STK32B: variants seen among roughly 807,000 people sequenced by gnomAD.
STK32B encodes the protein serine/threonine kinase 32B, also known as serine/threonine-protein kinase 32B.
A neutral mutation model predicts 52.6 loss-of-function variants in STK32B; 43 were observed. The ratio of observed to expected loss-of-function variants is 0.82; its 90% CI spans 0.64 to 1.05. The LOEUF (loss-of-function observed/expected upper bound fraction) is 1.05. Among genes scored for constraint, STK32B ranks in the 50% least tolerant of loss-of-function variants. STK32B has a pLI of 0.00. For synonymous variants in STK32B, 238 were observed against 204.3 expected, an observed-to-expected ratio of 1.17 and a Z score of -1.41; for missense variants, 621 against 534.6, an observed-to-expected ratio of 1.16 and a Z score of -1.59.
At chr4:5,082,011 C>G (rs1490563664) in intron 1 of STK32B, among the ~76,000 whole-genome samples, 2 of 152,174 alleles carry the variant, frequency 1.3e-5, no homozygotes, top group Non-Finnish European at 2.9e-5. Context: ...GCAGTCCCCC[C>G]CAGTTTTTAA....
chr4:5,186,389 A>T (rs917480838), intron 3 of STK32B, among the ~76,000 whole-genome samples: 1 of 152,122 alleles, frequency 6.6e-6, no homozygotes. Flanking sequence ...TAATTTATGT[A>T]GTGCTGTTAA....
chr4:5,247,411 G>A (rs1024914102), intron 3 of STK32B, among the ~76,000 whole-genome samples: 1 of 152,232 alleles, frequency 6.6e-6, no homozygotes, highest in African/African-American at 2.4e-5. Context: ...CGTTTGTTAA[G>A]CCTGTTGGAA....
chr4:5,073,956 T>A (rs1198382504), intron 1 of STK32B, among the ~76,000 whole-genome samples: 2 of 152,054 alleles, frequency 1.3e-5, no homozygotes, highest in Non-Finnish European at 2.9e-5. Flanking sequence ...CCTTTTATTC[T>A]TCTTAGGGTT....
At chr4:5,350,124 T>C (rs1003437631) in intron 4 of STK32B, among the ~76,000 whole-genome samples, 3 of 152,064 alleles carry the variant, frequency 2.0e-5, no homozygotes, top group Non-Finnish European at 4.4e-5. Flanking sequence ...AGTTCAAAGG[T>C]CCTGGCATAG....
Position 5,051,809 on chromosome 4 carries a change from C to A in STK32B, c.-55C>A. On this transcript the variant is annotated 5_prime_UTR_variant, in exon 1 of 12. Coordinates refer to ENST00000282908, the MANE Select transcript of STK32B (RefSeq NM_018401.3). ...CCGCATCTCTGCGCGCGTCCCACAT[C>A]CCGCATCCGGCATCCCAGCGGCCGG... The A allele has an allele frequency of 6.4e-7, 1 of 1,560,318 alleles. No homozygotes were observed. Among genetic ancestry groups the A allele is most frequent in the South Asian group, 1.2e-5 (1 of 84,280 alleles).
chr4:5,358,913 G>A (rs1734360474), intron 4 of STK32B, among the ~76,000 whole-genome samples: 1 of 152,144 alleles, frequency 6.6e-6, no homozygotes, highest in African/African-American at 2.4e-5. Context: ...TGTTTTGCCT[G>A]GGCTCATACA....
the STK32B span, among the ~76,000 whole-genome samples, chr4:5,044,125 C>G: frequency 0.019 from 2,834 of 152,230 alleles, 87 homozygotes; most frequent in African/African-American, 0.064. Context: ...GCAGTTGATC[C>G]AGCTCTCTCT....
At chr4:5,031,756 C>G in the STK32B span, among the ~76,000 whole-genome samples, 1 of 152,134 alleles carries the variant, frequency 6.6e-6, no homozygotes, top group Non-Finnish European at 1.5e-5. Context: ...GGTCGGGGTC[C>G]CACTTAGCAG....
At chr4:5,083,210 C>T (rs1712533408) in intron 1 of STK32B, among the ~76,000 whole-genome samples, 1 of 151,886 alleles carries the variant, frequency 6.6e-6, no homozygotes, top group East Asian at 1.9e-4. Context: ...TTTGGATAGA[C>T]CTTGGGATGA....
chr4:5,493,563 T>C (rs942807372), intron 11 of STK32B, among the ~76,000 whole-genome samples: 5 of 152,228 alleles, frequency 3.3e-5, no homozygotes, highest in African/African-American at 1.2e-4. Flanking sequence ...AGGGTTTTTT[T>C]GTGTCTCTAT....
chr4:5,099,454 G>GCGCGCGTGCGCGCGCACA (rs68114862), intron 1 of STK32B, among the ~76,000 whole-genome samples: 31,956 of 129,664 alleles, frequency 0.25, 3,887 homozygotes, highest in Non-Finnish European at 0.34. Flanking sequence ...GTGTGTGCGC[G>GCGCGCGTGCGCGCGCACA]CGCGCGTATG....
intron 3 of STK32B, among the ~76,000 whole-genome samples, chr4:5,176,698 C>T (rs1029582570): frequency 2.6e-5 from 4 of 152,110 alleles, no homozygotes; most frequent in African/African-American, 7.2e-5. Context: ...CCCACCTCAG[C>T]CTCCCAAAGT....
intron 1 of STK32B, among the ~76,000 whole-genome samples, chr4:5,113,826 G>A (rs950655039): frequency 6.6e-6 from 1 of 152,128 alleles, no homozygotes; most frequent in Non-Finnish European, 1.5e-5. Context: ...CCACATGGCC[G>A]GGGAGGCCTC....
At chr4:5,162,508 A>T (rs1718526227) in intron 2 of STK32B, among the ~76,000 whole-genome samples, 1 of 152,112 alleles carries the variant, frequency 6.6e-6, no homozygotes, top group Non-Finnish European at 1.5e-5. Flanking sequence ...CAAATTTCTG[A>T]TGCTCAGTGT....
At chr4:5,137,336 C>T (rs1560170499) in intron 1 of STK32B, among the ~76,000 whole-genome samples, 1 of 152,274 alleles carries the variant, frequency 6.6e-6, no homozygotes, top group Admixed American at 6.5e-5. Flanking sequence ...GAAGAGAGGC[C>T]ACTCCCTAAA....
intron 2 of STK32B, among the ~76,000 whole-genome samples, chr4:5,162,878 A>G (rs1335258955): frequency 6.6e-6 from 1 of 152,186 alleles, no homozygotes; most frequent in Non-Finnish European, 1.5e-5. Flanking sequence ...TTCCTTCTAG[A>G]ACACCTGTTG....
At chr4:5,052,715 G>T (rs933140817) in intron 1 of STK32B, among the ~76,000 whole-genome samples, 1 of 152,144 alleles carries the variant, frequency 6.6e-6, no homozygotes, top group African/African-American at 2.4e-5. Flanking sequence ...AGTAATCCAC[G>T]TGAAAAGTGC....
At chr4:5,338,188 A>G (rs1469360588) in intron 4 of STK32B, among the ~76,000 whole-genome samples, 2 of 152,334 alleles carry the variant, frequency 1.3e-5, no homozygotes, top group South Asian at 2.1e-4. Context: ...TTGCAAAACT[A>G]TTGGCTCTTT....
At chr4:5,125,149 T>C (rs1715283227) in intron 1 of STK32B, among the ~76,000 whole-genome samples, 1 of 152,160 alleles carries the variant, frequency 6.6e-6, no homozygotes, top group Non-Finnish European at 1.5e-5. Flanking sequence ...ATTATCTTAA[T>C]GATCTGGGAA....
Sources: allele counts gnomAD v4.1 joint callset (sites outside exome capture counted in the v4.1 genomes callset), GRCh38; gene constraint gnomAD v4.1.1; transcripts MANE v1.5; gene names NCBI Gene and HGNC (gene_info 2026-07-23, HGNC 2026-07-21).